TF: variants seen among roughly 807,000 people sequenced by gnomAD.
TF encodes transferrin, also known as serotransferrin.
In TF, 55 loss-of-function variants were observed where a neutral mutation model predicts 82.4. The ratio of observed to expected loss-of-function variants is 0.67; its 90% CI spans 0.54 to 0.84. TF has a LOEUF of 0.84. Among genes scored for constraint, TF ranks in the 40% least tolerant of loss-of-function variants. The pLI is 0.00. For synonymous variants in TF, 332 were observed against 332.6 expected (o/e 1.00, Z 0.02); for missense variants, 737 against 868.4 (o/e 0.85, Z 1.90).
chr3:133,724,697 T>G, the TF span, among the ~76,000 whole-genome samples: 22 of 152,376 alleles, frequency 1.4e-4, no homozygotes, highest in African/African-American at 5.3e-4. Context: ...TTGTTGCCAT[T>G]GCTTTTGGTG....
At position 133,764,904 on chromosome 3, in the gene TF, G is replaced by A; in HGVS notation, c.1327G>A (p.Ala443Thr). ...KSDNCEDTPE[A>T]GYFAIAVVKK... is the part of the protein sequence containing the mutation. Reference sequence around the variant, plus strand: ...CGATAATTGTGAGGATACACCAGAGGCAGGTGAGTTTGAATTGGTAACCTC... The same window carrying A: ...CGATAATTGTGAGGATACACCAGAGACAGGTGAGTTTGAATTGGTAACCTC... The change falls in exon 11 of 17, where the codon GCA becomes ACA. Residue 443 changes from alanine to threonine, a missense_variant. Ala to Thr is a moderately conservative substitution (Grantham distance 58, BLOSUM62 0). Transcript: ENST00000402696. The A allele has an allele frequency of 6.2e-7, 1 of 1,613,966 alleles. No individual in the cohort carries two copies. The highest frequency in any genetic ancestry group is 8.5e-7 in the Non-Finnish European group (1 of 1,179,844).
chr3:133,683,377 C>T, the TF span, among the ~76,000 whole-genome samples: 5 of 152,194 alleles, frequency 3.3e-5, no homozygotes, highest in South Asian at 4.1e-4. Flanking sequence ...TGTAAATGGG[C>T]TAAATGCTCC....
At chr3:133,749,444 G>T (rs1933601589) in intron 2 of TF, among the ~76,000 whole-genome samples, 1 of 152,208 alleles carries the variant, frequency 6.6e-6, no homozygotes, top group African/African-American at 2.4e-5. Flanking sequence ...GAGCTCATGG[G>T]CTAGTCAGGA....
the TF span, chr3:133,700,751 G>A: frequency 6.6e-6 from 1 of 152,532 alleles, no homozygotes; most frequent in African/African-American, 2.4e-5. Context: ...ATGCTGGGGA[G>A]CTTGGCCACC....
chr3:133,680,008 T>C, the TF span, among the ~76,000 whole-genome samples: 1 of 152,312 alleles, frequency 6.6e-6, no homozygotes, highest in African/African-American at 2.4e-5. Context: ...AATAGGTATG[T>C]AGTGAAATCA....
chr3:133,718,460 C>A, the TF span, among the ~76,000 whole-genome samples: 2 of 152,188 alleles, frequency 1.3e-5, no homozygotes, highest in East Asian at 1.9e-4. Flanking sequence ...ATAATGAATT[C>A]TGTGTTTTCT....
chr3:133,678,948 C>T, the TF span, among the ~76,000 whole-genome samples: 5 of 152,286 alleles, frequency 3.3e-5, no homozygotes, highest in African/African-American at 1.2e-4. Context: ...TCTTGGCTCA[C>T]TGCAACCTCC....
chr3:133,681,678 T>C, the TF span, among the ~76,000 whole-genome samples: 1 of 152,072 alleles, frequency 6.6e-6, no homozygotes, highest in African/African-American at 2.4e-5. Context: ...TGCTGAGGCT[T>C]GAGTAGGTAA....
the TF span, among the ~76,000 whole-genome samples, chr3:133,699,214 C>T: frequency 6.6e-6 from 1 of 152,230 alleles, no homozygotes; most frequent in Non-Finnish European, 1.5e-5. Flanking sequence ...AGTTGGAGGG[C>T]CCTGGGCCAG....
At position 133,764,273 on chromosome 3, in the gene TF, A is replaced by C; in HGVS notation, c.1295A>C (p.Asn432Thr). The C allele has an allele frequency of 6.2e-7, 1 of 1,613,012 alleles. No homozygotes were observed. The highest frequency in any genetic ancestry group is 8.5e-7 in the Non-Finnish European group (1 of 1,179,034). Residue 432 changes from asparagine to threonine, a missense_variant and splice_region_variant, in exon 10 of 17, where the codon AAT becomes ACT. Transcript: ENST00000402696. ...GTGCCTGTCTTGGCAGAAAACTACA[A>C]TAGTAAGTGGTGGGGAGCACCTCTC... is the stretch of plus-strand genomic sequence containing the variant. ...GLVPVLAENY[N>T]KSDNCEDTPE...
chr3:133,722,074 G>T, the TF span, among the ~76,000 whole-genome samples: 7 of 151,926 alleles, frequency 4.6e-5, no homozygotes, highest in East Asian at 1.9e-4. Context: ...TGGAGACTGG[G>T]TTTCACCATG....
chr3:133,738,918 C>G, the TF span, among the ~76,000 whole-genome samples: 23 of 152,270 alleles, frequency 1.5e-4, no homozygotes, highest in African/African-American at 5.5e-4. Flanking sequence ...AATGCTATCC[C>G]CATCAAGTTA....
the TF span, among the ~76,000 whole-genome samples, chr3:133,731,052 T>C: frequency 6.6e-6 from 1 of 152,356 alleles, no homozygotes. Context: ...CAAATCTGTA[T>C]AGGTCAGAGA....
the TF span, among the ~76,000 whole-genome samples, chr3:133,726,419 T>G: frequency 6.6e-6 from 1 of 152,188 alleles, no homozygotes; most frequent in African/African-American, 2.4e-5. Context: ...TATCCATTTC[T>G]TCTAGATTTT....
At chr3:133,723,092 T>A in the TF span, among the ~76,000 whole-genome samples, 4 of 152,148 alleles carry the variant, frequency 2.6e-5, no homozygotes, top group Non-Finnish European at 5.9e-5. Context: ...GCACTTTGAA[T>A]ATGTCATGCC....
chr3:133,734,776 C>A, the TF span, among the ~76,000 whole-genome samples: 1 of 146,880 alleles, frequency 6.8e-6, no homozygotes. Context: ...TGTGGTGATG[C>A]CACAAAAACC....
In TF at chr3:133,789,986, C is replaced by T. The variant is rs1934792686; in HGVS notation, c.*11366C>T. The T allele has an allele frequency of 7.1e-6, 1 of 139,870 alleles. No homozygotes were observed. The highest frequency in any genetic ancestry group is 1.5e-5 in the Non-Finnish European group (1 of 66,450). The allele number at this position is 139,870 out of a possible 1,614,324, so 8.7% of individuals were successfully genotyped here. A position where few individuals can be genotyped will look rare whatever the true frequency, so the allele number is the denominator to read the frequency against. ...ATACGTATGTATTAACTTTGAGGCT[C>T]TTACTTAGGTTTAAGTGCACACCTG... On this transcript the variant is annotated 3_prime_UTR_variant, in exon 17 of 17. Coordinates refer to ENST00000402696, the MANE Select transcript of TF (RefSeq NM_001063.4).
chr3:133,774,891 AAAG>A, intron 14 of TF: 1 of 354,922 alleles, frequency 2.8e-6, no homozygotes, highest in Non-Finnish European at 5.5e-6. Flanking sequence ...ACAATACAGA[AAAG>A]AAGAGGCAAA....
Position 133,788,817 on chromosome 3 carries a change from C to G in TF, c.*10197C>G, listed in dbSNP as rs1452782938. On this transcript the variant is annotated 3_prime_UTR_variant, in exon 17 of 17. Coordinates refer to ENST00000402696, the MANE Select transcript of TF (RefSeq NM_001063.4). ...GGGCAAACTTGCAGCTCAGGGTGAA[C>G]TTGCATGTGTTTCAGGCGACGGAAA... 6.6e-6 allele frequency: 1 copy of G among 152,218 alleles called. No individual in the cohort carries two copies. Among genetic ancestry groups the G allele is most frequent in the Non-Finnish European group, 1.5e-5 (1 of 68,088 alleles). 9.4% of individuals were successfully genotyped at this position (152,218 alleles called of 1,614,324 possible).
Sources: allele counts gnomAD v4.1 joint callset (sites outside exome capture counted in the v4.1 genomes callset), GRCh38; gene constraint gnomAD v4.1.1; transcripts MANE v1.5; gene names NCBI Gene and HGNC (gene_info 2026-07-23, HGNC 2026-07-21).